The following PPP2R2B variants were observed in gnomAD, a reference collection of about 807,000 sequenced individuals.
PPP2R2B encodes protein phosphatase 2 regulatory subunit Bbeta, also known as serine/threonine-protein phosphatase 2A 55 kDa regulatory subunit B beta isoform.
In PPP2R2B, 5 loss-of-function variants were observed where a neutral mutation model predicts 46.0. That is an observed-to-expected ratio of 0.11 (90% confidence interval 0.06 to 0.23). The LOEUF is 0.23. PPP2R2B is among the 10% of genes least tolerant of loss of function. The pLI is 1.00. For synonymous variants in PPP2R2B, 215 were observed against 206.7 expected, an observed-to-expected ratio of 1.04 and a Z score of -0.34; for missense variants, 367 against 575.0, an observed-to-expected ratio of 0.64 and a Z score of 3.70.
intron 7 of PPP2R2B, among the ~76,000 whole-genome samples, chr5:146,635,974 C>A (rs937172459): frequency 6.6e-6 from 1 of 152,192 alleles, no homozygotes; most frequent in Non-Finnish European, 1.5e-5. Context: ...ACTTATAACA[C>A]CCATAGTTAT....
chr5:146,817,640 A>G (rs1226948221), intron 2 of PPP2R2B, among the ~76,000 whole-genome samples: 2 of 152,226 alleles, frequency 1.3e-5, no homozygotes, highest in African/African-American at 4.8e-5. Flanking sequence ...TAATGACTAA[A>G]GTAACATAGG....
intron 5 of PPP2R2B, among the ~76,000 whole-genome samples, 174 bp downstream of exon 5, chr5:146,690,954 G>A (rs746890990): frequency 6.6e-6 from 1 of 152,228 alleles, no homozygotes; most frequent in Non-Finnish European, 1.5e-5. Context: ...AGAAGGCTTG[G>A]CACCTTTCCT....
intron 6 of PPP2R2B, among the ~76,000 whole-genome samples, chr5:146,645,165 G>T (rs1232609358): frequency 1.3e-5 from 2 of 152,218 alleles, no homozygotes; most frequent in Admixed American, 6.5e-5. Flanking sequence ...GTATTTGTTT[G>T]ATGAGTGTGA....
At chr5:146,886,063 G>T (rs1158690129) in intron 1 of PPP2R2B, among the ~76,000 whole-genome samples, 2 of 152,200 alleles carry the variant, frequency 1.3e-5, no homozygotes, top group Non-Finnish European at 2.9e-5. Flanking sequence ...GGGCGGCCGG[G>T]CGCGGTGGCT....
At chr5:146,905,027 G>A (rs553046614) in intron 1 of PPP2R2B, among the ~76,000 whole-genome samples, 1 of 152,272 alleles carries the variant, frequency 6.6e-6, no homozygotes, top group South Asian at 2.1e-4. Flanking sequence ...GGATATATAT[G>A]AGTGGCAAAT....
intron 2 of PPP2R2B, among the ~76,000 whole-genome samples, chr5:146,862,118 A>T (rs530960186): frequency 1.3e-5 from 2 of 152,342 alleles, no homozygotes; most frequent in African/African-American, 4.8e-5. Context: ...CTCAGATCAC[A>T]TCTTTTGACA....
chr5:146,998,196 T>C (rs1299067130), intron 1 of PPP2R2B, among the ~76,000 whole-genome samples: 1 of 152,206 alleles, frequency 6.6e-6, no homozygotes, highest in African/African-American at 2.4e-5. Flanking sequence ...ATGTGTTTTG[T>C]TGAGATTGTG....
At chr5:146,836,619 G>C (rs555509580) in intron 2 of PPP2R2B, among the ~76,000 whole-genome samples, 1 of 152,292 alleles carries the variant, frequency 6.6e-6, no homozygotes, top group South Asian at 2.1e-4. Flanking sequence ...AGGTTCTGTG[G>C]CTTTGCCTAA....
chr5:147,073,673 T>C (rs1232051877), intron 2 of PPP2R2B, among the ~76,000 whole-genome samples: 2 of 152,208 alleles, frequency 1.3e-5, no homozygotes, highest in East Asian at 3.8e-4. Flanking sequence ...TTCTCTGCTC[T>C]TAGAATTGCC....
intron 1 of PPP2R2B, among the ~76,000 whole-genome samples, chr5:146,966,467 C>T (rs935230029): frequency 6.6e-6 from 1 of 152,326 alleles, no homozygotes; most frequent in South Asian, 2.1e-4. Flanking sequence ...TATTCTTACA[C>T]TGCGGCTATG....
At chr5:146,763,639 T>C (rs1232478132) in intron 2 of PPP2R2B, among the ~76,000 whole-genome samples, 1 of 152,186 alleles carries the variant, frequency 6.6e-6, no homozygotes, top group Non-Finnish European at 1.5e-5. Context: ...AATTTAGGTT[T>C]CCCACAGTTC....
At chr5:146,771,232 G>A (rs1754836126) in intron 2 of PPP2R2B, among the ~76,000 whole-genome samples, 1 of 152,160 alleles carries the variant, frequency 6.6e-6, no homozygotes, top group Non-Finnish European at 1.5e-5. Context: ...TGAATGAGCA[G>A]TGAAATACCT....
intron 6 of PPP2R2B, among the ~76,000 whole-genome samples, chr5:146,645,590 T>C (rs1775530282): frequency 6.6e-6 from 1 of 152,176 alleles, no homozygotes. Context: ...TCCATGGTAG[T>C]AATGAGTGCT....
intron 2 of PPP2R2B, among the ~76,000 whole-genome samples, chr5:146,831,888 T>C (rs72823289): frequency 0.12 from 17,935 of 152,274 alleles, 1,710 homozygotes; most frequent in East Asian, 0.43. Flanking sequence ...ATGCATCTTA[T>C]TGCCTTTGAA....
chr5:147,043,275 C>T (rs1756397833), intron 1 of PPP2R2B, among the ~76,000 whole-genome samples: 1 of 151,844 alleles, frequency 6.6e-6, no homozygotes, highest in Non-Finnish European at 1.5e-5. Context: ...AGTTTGAAGC[C>T]CCAACCCCCA....
At chr5:147,053,553 C>CACACACACACAT (rs1362170662) in intron 1 of PPP2R2B, among the ~76,000 whole-genome samples, 14 of 151,820 alleles carry the variant, frequency 9.2e-5, no homozygotes, top group Non-Finnish European at 1.9e-4. Context: ...TAAACACACA[C>CACACACACACAT]ACACACACAC....
chr5:146,712,144 T>C (rs886237838), intron 2 of PPP2R2B, among the ~76,000 whole-genome samples: 5 of 152,186 alleles, frequency 3.3e-5, no homozygotes, highest in African/African-American at 1.2e-4. Context: ...CAAGGTATTA[T>C]TATGTTACGA....
chr5:146,623,983 A>G (rs1269111106), intron 7 of PPP2R2B, among the ~76,000 whole-genome samples: 3 of 152,182 alleles, frequency 2.0e-5, no homozygotes, highest in Admixed American at 2.0e-4. Context: ...TGAGTCAATT[A>G]CACACACGAG....
At chr5:146,771,186 T>A (rs1378206999) in intron 2 of PPP2R2B, among the ~76,000 whole-genome samples, 1 of 152,208 alleles carries the variant, frequency 6.6e-6, no homozygotes, top group Non-Finnish European at 1.5e-5. Context: ...GCAGGCCTAA[T>A]CCCATGGTCT....
Sources: allele counts gnomAD v4.1 joint callset (sites outside exome capture counted in the v4.1 genomes callset), GRCh38; gene constraint gnomAD v4.1.1; transcripts MANE v1.5; gene names NCBI Gene and HGNC (gene_info 2026-07-23, HGNC 2026-07-21).